FARP2: variants seen among roughly 807,000 people sequenced by gnomAD.
FARP2 encodes the protein FERM, ARHGEF and pleckstrin domain-containing protein 2.
In FARP2, 111 loss-of-function variants were observed where a neutral mutation model predicts 130.5. The ratio of observed to expected loss-of-function variants is 0.85; its 90% CI spans 0.73 to 1.00. The LOEUF (loss-of-function observed/expected upper bound fraction) is 1.00, where lower values mean the gene tolerates loss of function less well. Among genes scored for constraint, FARP2 ranks in the 50% least tolerant of loss-of-function variants. The pLI, the probability that FARP2 is intolerant of heterozygous loss-of-function variation, is 0.00. For missense variants in FARP2, 1,385 were observed against 1,346.3 expected (o/e 1.03, Z -0.45); for synonymous variants, 504 against 516.9 (o/e 0.98, Z 0.34).
At chr2:241,371,833 AAAT>A (rs1356315190) in intron 1 of FARP2, among the ~76,000 whole-genome samples, 1 of 152,162 alleles carries the variant, frequency 6.6e-6, no homozygotes, top group Non-Finnish European at 1.5e-5. Context: ...AAGTTGCCAT[AAAT>A]AATAGATTAT....
At chr2:241,492,076 C>G (rs1418800160) in intron 24 of FARP2, among the ~76,000 whole-genome samples, 1 of 152,234 alleles carries the variant, frequency 6.6e-6, no homozygotes, top group Non-Finnish European at 1.5e-5. Context: ...TCAGCTCTAT[C>G]TCACTGCATG....
chr2:241,426,367 T>C (rs2062939492), intron 8 of FARP2, among the ~76,000 whole-genome samples: 1 of 152,248 alleles, frequency 6.6e-6, no homozygotes, highest in Non-Finnish European at 1.5e-5. Context: ...AAAAAGTAGT[T>C]AAATTCACTA....
Position 241,404,831 on chromosome 2 carries a change from G to A in FARP2, c.321G>A (p.Arg107=), listed in dbSNP as rs771548890. ...TTGAACCTATGAAACCCATCATTAGGCAAATACGAAGTAAGTCCTTGGTTT... is the reference window on the plus strand; with the variant it reads ...TTGAACCTATGAAACCCATCATTAGACAAATACGAAGTAAGTCCTTGGTTT... ...IWLEPMKPII[R]QIRRPKNVVL... is the part of the protein sequence containing the mutation. The change falls in exon 4 of 27, where the codon AGG becomes AGA. Residue 107 remains arginine, a synonymous_variant. Transcript: ENST00000264042. The A allele has an allele frequency of 1.9e-6, 3 of 1,609,174 alleles. No individual in the cohort carries two copies. The highest frequency in any genetic ancestry group is 4.5e-5 in the East Asian group (2 of 44,790).
intron 2 of FARP2, among the ~76,000 whole-genome samples, chr2:241,391,710 T>C (rs1176163079): frequency 1.3e-5 from 2 of 152,216 alleles, no homozygotes; most frequent in African/African-American, 4.8e-5. Flanking sequence ...CGTGCAGAGC[T>C]TCTGCTACCA....
chr2:241,413,239 A>G (rs1574771645), intron 6 of FARP2, 68 bp from the exon 7 acceptor site: 1 of 922,792 alleles, frequency 1.1e-6, no homozygotes, highest in Non-Finnish European at 1.7e-6. Flanking sequence ...CTTTTAATGT[A>G]TGCAATGACA....
In FARP2 at chr2:241,434,318, A is replaced by G. The variant is rs1248006096; in HGVS notation, c.1028A>G (p.Tyr343Cys). ...TTCAGCCGGGGCTCCTCCTTCAGAT[A>G]CAGGTAGGGGCCATGCCGTGGCTTG... is the stretch of plus-strand genomic sequence containing the variant. ...VFFSRGSSFR[Y>C]SGRTQKQLVD... Residue 343 changes from tyrosine (Y) to cysteine (C), a missense_variant, in exon 10 of 27, where the codon TAC becomes TGC. Tyr to Cys is a radical substitution (Grantham distance 194, BLOSUM62 -2). Coordinates refer to ENST00000264042, the MANE Select transcript of FARP2 (RefSeq NM_014808.4). 1 of 1,610,638 alleles carries G rather than the reference A, an allele frequency of 6.2e-7. No individual in the cohort carries two copies. The highest frequency in any genetic ancestry group is 1.7e-5 in the Admixed American group (1 of 59,190).
At position 241,403,856 on chromosome 2, in the gene FARP2, C is replaced by G. The variant is rs78727436; in HGVS notation, c.212C>G (p.Thr71Arg). 2.5e-6 allele frequency: 4 copies of G among 1,613,622 alleles called. No homozygotes were observed. In the Middle Eastern group the frequency reaches 4.9e-4, roughly 200 times the overall value. ...EPKCDGQVLL[T>R]QVWKRLNLVE... ...AAATGCGATGGCCAGGTATTACTGA[C>G]ACAAGTGTGGAAGCGTTTAAACCTG... The change falls in exon 3 of 27, where the codon ACA (threonine) becomes AGA (arginine). Residue 71 changes from threonine (T) to arginine (R), a missense_variant. Transcript: ENST00000264042.
At chr2:241,382,421 C>T (rs2061685383) in intron 2 of FARP2, among the ~76,000 whole-genome samples, 1 of 151,302 alleles carries the variant, frequency 6.6e-6, no homozygotes, top group Admixed American at 6.6e-5. Context: ...GTAGCTGGGA[C>T]TACAGATGTG....
chr2:241,493,092 C>A, intron 25 of FARP2, 56 bp downstream of exon 25: 1 of 1,147,834 alleles, frequency 8.7e-7, no homozygotes. Flanking sequence ...AGACACTTAA[C>A]CCTGCTCACC....
rs970644194 is a variant in FARP2, at chr2:241,491,584, G to A, written c.2692G>A (p.Glu898Lys). 2 of 1,613,874 alleles carry A rather than the reference G, an allele frequency of 1.2e-6. No homozygotes were observed. The highest frequency in any genetic ancestry group is 4.5e-5 in the East Asian group (2 of 44,884). ...TGCTCGGGGTGTCCGCAGCTCCCTGGAGGGGCATGGCCAGCACCGGGCCAA... is the reference window on the plus strand; with the variant it reads ...TGCTCGGGGTGTCCGCAGCTCCCTGAAGGGGCATGGCCAGCACCGGGCCAA... ...DDARGVRSSLEGHGQHRANTT... is the reference protein window; with the variant it reads ...DDARGVRSSLKGHGQHRANTT... Residue 898 changes from glutamate to lysine, a missense_variant, in exon 24 of 27, where the codon GAG becomes AAG. By Grantham distance (56) the Glu-to-Lys change is moderately conservative. Transcript: ENST00000264042.
rs1481550657 is a variant in FARP2 at position 241,402,851 on chromosome 2, T to TATATATATATAC, written c.184-966_184-965insCATATATATATA. 2.5e-3 allele frequency among the ~76,000 whole-genome samples: 24 copies of TATATATATATAC among 9,666 alleles called. 2 individuals are homozygous for TATATATATATAC. The East Asian group carries it at 0.045, about 18-fold the overall frequency. The allele number at this position is 9,666 out of a possible 152,430, so 6.3% of individuals were successfully genotyped here. On this transcript the variant is annotated intron_variant, in intron 2 of 26. Coordinates refer to ENST00000264042, the MANE Select transcript of FARP2 (RefSeq NM_014808.4). Reference sequence around the variant, plus strand: ...CCCAGCTAATTTATATATATATATATATATATATATATATATATATATATA... The same window carrying TATATATATATAC: ...CCCAGCTAATTTATATATATATATATATATATATATACATATATATATATATATATATATATA...
At chr2:241,431,862 C>T (rs564392910) in intron 9 of FARP2, 88 bp downstream of exon 9, 46 of 374,000 alleles carry the variant, frequency 1.2e-4, no homozygotes, top group Middle Eastern at 9.2e-4. Flanking sequence ...CTCTTGTTGC[C>T]CAGGCTGGAG....
In FARP2 at chr2:241,456,808, C is replaced by G. The variant is rs1394349186; in HGVS notation, c.1473C>G (p.Ser491Arg). ...GCCGGAAGAGCCCCCTGAGTCTGAG[C>G]CCTGCATTTCAGGTGCCTTTGGGCC... ...PSSRKSPLSL[S>R]PAFQVPLGPA... Residue 491 changes from serine to arginine, a missense_variant, in exon 14 of 27, where the codon AGC becomes AGG. Physicochemically the swap from Ser to Arg is moderately radical, Grantham distance 110. Coordinates refer to ENST00000264042, the MANE Select transcript of FARP2 (RefSeq NM_014808.4). 6.2e-7 allele frequency: 1 copy of G among 1,614,032 alleles called. No homozygotes were observed. The highest frequency in any genetic ancestry group is 8.5e-7 in the Non-Finnish European group (1 of 1,180,022).
At chr2:241,387,654 G>A (rs956556539) in intron 2 of FARP2, among the ~76,000 whole-genome samples, 5 of 151,970 alleles carry the variant, frequency 3.3e-5, no homozygotes, top group Non-Finnish European at 5.9e-5. Flanking sequence ...TTAGCCAGGC[G>A]TGGTGGTGGG....
At chr2:241,457,077 A>G (rs1173124983) in intron 14 of FARP2, among the ~76,000 whole-genome samples, 155 bp downstream of exon 14, 1 of 152,194 alleles carries the variant, frequency 6.6e-6, no homozygotes, top group African/African-American at 2.4e-5. Flanking sequence ...GAGAGGAGGT[A>G]CTGGGCCGCC....
At position 241,404,811 on chromosome 2, in the gene FARP2, C is replaced by T. The variant is rs1380712599; in HGVS notation, c.301C>T (p.Pro101Ser). 1.2e-6 allele frequency: 2 copies of T among 1,608,446 alleles called. No homozygotes were observed. The highest frequency in any genetic ancestry group is 2.2e-5 in the South Asian group (2 of 90,882). ...AACTCTTCTTTAGATTTGGCTTGAA[C>T]CTATGAAACCCATCATTAGGCAAAT... ...NTQSYWIWLE[P>S]MKPIIRQIRR... Residue 101 changes from proline (P) to serine (S), a missense_variant, in exon 4 of 27, where the codon CCT becomes TCT. Coordinates refer to ENST00000264042, the MANE Select transcript of FARP2 (RefSeq NM_014808.4).
rs117912449 is a variant in FARP2, at chr2:241,364,558, A to C, written c.-25+8170A>C. ...ACAGTTAAAAAATAAATAAAACTTT[A>C]TAAAGCCCCTATTATTAAAATAGTC... On this transcript the variant is annotated intron_variant, in intron 1 of 26. Transcript: ENST00000264042. 3.1e-4 allele frequency among the ~76,000 whole-genome samples: 48 copies of C among 152,382 alleles called. No homozygotes were observed. The East Asian group carries it at 8.1e-3, about 26-fold the overall frequency.
chr2:241,491,055 C>T lies in FARP2; in HGVS notation c.2505-6C>T, dbSNP rs377097591. ...GAGCCACTGAGCCTTGCCCTTCTCCCTGCAGCACTCGGCTGGAGAAAGAGA... is the reference window on the plus strand; with the variant it reads ...GAGCCACTGAGCCTTGCCCTTCTCCTTGCAGCACTCGGCTGGAGAAAGAGA... On this transcript the variant is annotated splice_region_variant and splice_polypyrimidine_tract_variant and intron_variant, in intron 22 of 26. Coordinates refer to ENST00000264042, the MANE Select transcript of FARP2 (RefSeq NM_014808.4). 5 of 1,609,294 alleles carry T rather than the reference C, an allele frequency of 3.1e-6. No homozygotes were observed. The highest frequency in any genetic ancestry group is 8.5e-7 in the Non-Finnish European group (1 of 1,176,058).
chr2:241,439,316 C>G (rs2063324856), intron 12 of FARP2, among the ~76,000 whole-genome samples: 4 of 152,146 alleles, frequency 2.6e-5, no homozygotes, highest in Admixed American at 2.0e-4. Flanking sequence ...GCATACCCAA[C>G]CACAAAGTTA....
Sources: allele counts gnomAD v4.1 joint callset (sites outside exome capture counted in the v4.1 genomes callset), GRCh38; gene constraint gnomAD v4.1.1; transcripts MANE v1.5; gene names NCBI Gene and HGNC (gene_info 2026-07-23, HGNC 2026-07-21).